The following MACROD2 variants were observed in gnomAD, a reference collection of about 807,000 sequenced individuals.
MACROD2 encodes ADP-ribose glycohydrolase MACROD2.
Under a neutral mutation model 70.4 loss-of-function variants are expected in MACROD2, and 36 were observed. That is an observed-to-expected ratio of 0.51 (90% CI 0.39 to 0.68). The LOEUF (loss-of-function observed/expected upper bound fraction) is 0.68. MACROD2 is among the 30% of genes least tolerant of loss of function. MACROD2 has a pLI of 0.00. For missense variants in MACROD2, 496 were observed against 538.4 expected, an observed-to-expected ratio of 0.92 and a Z score of 0.78; for synonymous variants, 172 against 178.8, an observed-to-expected ratio of 0.96 and a Z score of 0.30.
chr20:14,848,751 C>A (rs1600722372), intron 5 of MACROD2, among the ~76,000 whole-genome samples: 1 of 152,086 alleles, frequency 6.6e-6, no homozygotes, highest in Non-Finnish European at 1.5e-5. Flanking sequence ...AGCTGACAAT[C>A]CCCTTTTTAA....
At chr20:14,121,757 T>G (rs1045276425) in intron 3 of MACROD2, among the ~76,000 whole-genome samples, 1 of 152,200 alleles carries the variant, frequency 6.6e-6, no homozygotes, top group Non-Finnish European at 1.5e-5. Flanking sequence ...TTCTGACTGC[T>G]TTTCTATTGA....
intron 5 of MACROD2, among the ~76,000 whole-genome samples, chr20:15,107,645 C>G (rs2075921567): frequency 6.6e-6 from 1 of 151,712 alleles, no homozygotes; most frequent in African/African-American, 2.4e-5. Context: ...TTGTTTCTCT[C>G]CCTGATTTTT....
chr20:14,188,392 G>A (rs1023376738), intron 3 of MACROD2, among the ~76,000 whole-genome samples: 2 of 151,924 alleles, frequency 1.3e-5, no homozygotes, highest in Non-Finnish European at 2.9e-5. Context: ...ACTTAGAAGC[G>A]ATGCCATATT....
chr20:14,160,388 T>G (rs1429446218), intron 3 of MACROD2, among the ~76,000 whole-genome samples: 1 of 152,212 alleles, frequency 6.6e-6, no homozygotes, highest in Non-Finnish European at 1.5e-5. Flanking sequence ...TACTACTGAC[T>G]CAATCTCATT....
At chr20:14,395,273 AT>A (rs1214681427) in intron 3 of MACROD2, among the ~76,000 whole-genome samples, 1 of 152,016 alleles carries the variant, frequency 6.6e-6, no homozygotes, top group Non-Finnish European at 1.5e-5. Context: ...TATAAATTTA[AT>A]TTTTATAATA....
At chr20:15,688,474 A>C (rs1009702779) in intron 8 of MACROD2, among the ~76,000 whole-genome samples, 3 of 152,204 alleles carry the variant, frequency 2.0e-5, no homozygotes, top group African/African-American at 7.2e-5. Context: ...CTCATAGATA[A>C]GTGAACATGC....
intron 3 of MACROD2, among the ~76,000 whole-genome samples, chr20:14,098,535 T>G (rs1269690548): frequency 6.6e-6 from 1 of 152,220 alleles, no homozygotes; most frequent in Non-Finnish European, 1.5e-5. Flanking sequence ...ATAATTGATG[T>G]AGAATATATG....
At chr20:14,242,456 A>T (rs2081937573) in intron 3 of MACROD2, among the ~76,000 whole-genome samples, 1 of 152,212 alleles carries the variant, frequency 6.6e-6, no homozygotes, top group Non-Finnish European at 1.5e-5. Context: ...CAGCAGAAGT[A>T]TACATATCTA....
At chr20:16,001,507 A>G (rs1456407416) in intron 15 of MACROD2, among the ~76,000 whole-genome samples, 4 of 152,234 alleles carry the variant, frequency 2.6e-5, no homozygotes, top group Non-Finnish European at 4.4e-5. Flanking sequence ...AACCAATAAT[A>G]TCATCCCATT....
chr20:15,412,566 A>G (rs942838073), intron 6 of MACROD2, among the ~76,000 whole-genome samples: 2 of 152,152 alleles, frequency 1.3e-5, no homozygotes, highest in Non-Finnish European at 2.9e-5. Context: ...AAAGTTGGAG[A>G]CTCCGTAGAT....
At chr20:15,000,583 A>G (rs1040314197) in intron 5 of MACROD2, among the ~76,000 whole-genome samples, 3 of 130,256 alleles carry the variant, frequency 2.3e-5, no homozygotes, top group African/African-American at 8.9e-5. Flanking sequence ...AGATTGCGCC[A>G]CTGCAGTCCG....
intron 6 of MACROD2, among the ~76,000 whole-genome samples, chr20:15,356,930 T>C (rs1196009299): frequency 6.6e-6 from 1 of 152,246 alleles, no homozygotes; most frequent in African/African-American, 2.4e-5. Flanking sequence ...GTCATGAAAG[T>C]ATTACAAACT....
chr20:14,169,078 G>A lies in MACROD2; in HGVS notation c.271+83350G>A, dbSNP rs546998548. ...CACAAGTCAATAAATGTGATACACCGCATAAACAGGATTAAGAACAAAAAT... is the reference window on the plus strand; with the variant it reads ...CACAAGTCAATAAATGTGATACACCACATAAACAGGATTAAGAACAAAAAT... On this transcript the variant is annotated intron_variant, in intron 3 of 17. Transcript: ENST00000684519. 1.8e-3 allele frequency among the ~76,000 whole-genome samples: 273 copies of A among 152,182 alleles called. 2 individuals carry two copies. Among genetic ancestry groups the A allele is most frequent in the African/African-American group, 6.3e-3 (263 of 41,522 alleles).
intron 6 of MACROD2, among the ~76,000 whole-genome samples, chr20:15,323,432 A>G (rs2146175216): frequency 6.6e-6 from 1 of 152,328 alleles, no homozygotes; most frequent in Admixed American, 6.5e-5. Flanking sequence ...TTTCCTTTCC[A>G]TGAAGGCTTC....
At chr20:14,825,018 C>T (rs1170995469) in intron 5 of MACROD2, among the ~76,000 whole-genome samples, 1 of 152,072 alleles carries the variant, frequency 6.6e-6, no homozygotes, top group Non-Finnish European at 1.5e-5. Context: ...CTCCATGTTT[C>T]AATCTACCTC....
At chr20:15,349,536 C>A (rs2078203801) in intron 6 of MACROD2, among the ~76,000 whole-genome samples, 2 of 151,986 alleles carry the variant, frequency 1.3e-5, no homozygotes, top group South Asian at 4.1e-4. Context: ...GTGGGTGGAT[C>A]ACGAGGTCAG....
intron 3 of MACROD2, among the ~76,000 whole-genome samples, chr20:14,418,705 G>A (rs2122887491): frequency 6.6e-6 from 1 of 152,294 alleles, no homozygotes; most frequent in Admixed American, 6.5e-5. Flanking sequence ...GGAGTGCTCT[G>A]ACTTTAACAC....
intron 8 of MACROD2, among the ~76,000 whole-genome samples, chr20:15,742,555 G>A (rs949048145): frequency 1.3e-5 from 2 of 152,186 alleles, no homozygotes; most frequent in Admixed American, 6.5e-5. Flanking sequence ...TATCCAGCAT[G>A]TGTATGTCTG....
intron 3 of MACROD2, among the ~76,000 whole-genome samples, chr20:14,369,761 C>CTAAAATACATAGAAGACA (rs2083305648): frequency 1.3e-5 from 2 of 152,078 alleles, no homozygotes; most frequent in African/African-American, 4.8e-5. Context: ...TATATGTACT[C>CTAAAATACATAGAAGACA]TAGGTCTTCT....
Sources: allele counts gnomAD v4.1 joint callset (sites outside exome capture counted in the v4.1 genomes callset), GRCh38; gene constraint gnomAD v4.1.1; transcripts MANE v1.5; gene names NCBI Gene and HGNC (gene_info 2026-07-23, HGNC 2026-07-21).